The following SEMA5A variants were observed in gnomAD, a reference collection of about 807,000 sequenced individuals.
SEMA5A encodes the protein semaphorin-5A.
SEMA5A carries 55 observed loss-of-function variants against 135.5 expected under a neutral mutation model. The observed-to-expected ratio is 0.41, with a 90% CI of 0.33 to 0.51. The LOEUF is 0.51. Ranked by LOEUF, SEMA5A falls within the 20% of genes least tolerant of loss-of-function variation. SEMA5A has a pLI of 0.37. For synonymous variants in SEMA5A, 580 were observed against 546.5 expected (o/e 1.06, Z -0.85); for missense variants, 1,290 against 1,419.9 (o/e 0.91, Z 1.47).
At chr5:9,353,277 AAGGAAAGGAG>A in intron 3 of SEMA5A, among the ~76,000 whole-genome samples, 1 of 145,432 alleles carries the variant, frequency 6.9e-6, no homozygotes, top group Admixed American at 6.9e-5. Context: ...AAGGAAAGGA[AAGGAAAGGAG>A]GGAAAGGAAG....
chr5:9,454,404 A>C (rs952428872), intron 1 of SEMA5A, among the ~76,000 whole-genome samples: 12 of 152,350 alleles, frequency 7.9e-5, no homozygotes, highest in South Asian at 4.1e-4. Context: ...CAAGGCTATT[A>C]ACTTGAACCT....
At chr5:9,233,981 T>C (rs1747772757) in intron 6 of SEMA5A, among the ~76,000 whole-genome samples, 1 of 152,152 alleles carries the variant, frequency 6.6e-6, no homozygotes, top group Non-Finnish European at 1.5e-5. Context: ...ATGTCACATT[T>C]TGCATTATTC....
intron 8 of SEMA5A, among the ~76,000 whole-genome samples, chr5:9,211,729 T>C (rs576267167): frequency 3.5e-4 from 54 of 152,346 alleles, no homozygotes; most frequent in African/African-American, 1.3e-3. Context: ...TCATTAATCA[T>C]TAGAAGGTTC....
At chr5:9,327,934 T>C (rs1752950842) in intron 4 of SEMA5A, among the ~76,000 whole-genome samples, 1 of 152,218 alleles carries the variant, frequency 6.6e-6, no homozygotes, top group African/African-American at 2.4e-5. Flanking sequence ...CAACTGAATA[T>C]TTCTATGGTT....
intron 5 of SEMA5A, among the ~76,000 whole-genome samples, chr5:9,272,624 T>A (rs1461265501): frequency 6.6e-6 from 1 of 152,152 alleles, no homozygotes; most frequent in African/African-American, 2.4e-5. Flanking sequence ...CTGGCTGGCA[T>A]CTGGTGGGTG....
chr5:9,133,046 T>G (rs1016098898), intron 13 of SEMA5A, among the ~76,000 whole-genome samples: 1 of 152,208 alleles, frequency 6.6e-6, no homozygotes, highest in Admixed American at 6.5e-5. Context: ...GTGTTTTTTG[T>G]TGTTGTTGTT....
intron 1 of SEMA5A, among the ~76,000 whole-genome samples, chr5:9,536,917 C>T (rs1039450949): frequency 5.3e-5 from 8 of 152,186 alleles, no homozygotes; most frequent in African/African-American, 1.9e-4. Context: ...AGACACAAGG[C>T]ATTGGACATG....
chr5:9,223,790 T>A (rs548486595), intron 8 of SEMA5A, among the ~76,000 whole-genome samples: 3 of 152,320 alleles, frequency 2.0e-5, no homozygotes, highest in African/African-American at 7.2e-5. Context: ...CACTCACACA[T>A]GAATGCACAG....
intron 11 of SEMA5A, among the ~76,000 whole-genome samples, chr5:9,182,239 C>T (rs1744564559): frequency 6.7e-6 from 1 of 149,836 alleles, no homozygotes; most frequent in Admixed American, 6.7e-5. Flanking sequence ...AATTTTGGCA[C>T]AAAAACTCCA....
At chr5:9,051,748 A>G (rs1398315002) in intron 20 of SEMA5A, 125 bp downstream of exon 20, 87 of 1,185,694 alleles carry the variant, frequency 7.3e-5, no homozygotes, top group South Asian at 3.6e-4. Flanking sequence ...CCTTGAAACC[A>G]TGGGGCTTGA....
intron 15 of SEMA5A, among the ~76,000 whole-genome samples, chr5:9,110,992 G>A (rs187795001): frequency 1.3e-5 from 2 of 152,298 alleles, no homozygotes; most frequent in East Asian, 3.9e-4. Context: ...TTGATCTTAG[G>A]AAGTACGTGC....
In SEMA5A at chr5:9,248,146, G is replaced by A. The variant is rs560977144; in HGVS notation, c.271-10256C>T. 2.0e-5 allele frequency among the ~76,000 whole-genome samples: 3 copies of A among 152,180 alleles called. No homozygotes were observed. The South Asian group carries it at 6.2e-4, about 32-fold the overall frequency. ...ACTATTATTAAGATGTTTGATAAGA[G>A]CTCCATCTAAGAAAAAAGTCCAAAA... On this transcript the variant is annotated intron_variant, in intron 5 of 22. Coordinates refer to ENST00000382496, the MANE Select transcript of SEMA5A (RefSeq NM_003966.3).
intron 18 of SEMA5A, among the ~76,000 whole-genome samples, chr5:9,060,404 C>T (rs1009447566): frequency 1.3e-5 from 2 of 152,124 alleles, no homozygotes; most frequent in Admixed American, 6.5e-5. Context: ...CTACCCATGG[C>T]AACAAGGATA....
intron 8 of SEMA5A, among the ~76,000 whole-genome samples, chr5:9,205,424 G>A (rs1231440968): frequency 6.6e-6 from 1 of 152,122 alleles, no homozygotes; most frequent in African/African-American, 2.4e-5. Context: ...GTTTCAAGGA[G>A]GGCCAACCAT....
chr5:9,465,815 C>A (rs1264257303), intron 1 of SEMA5A, among the ~76,000 whole-genome samples: 1 of 152,156 alleles, frequency 6.6e-6, no homozygotes. Context: ...TATTTCATTA[C>A]TTTTTACTGT....
intron 11 of SEMA5A, among the ~76,000 whole-genome samples, chr5:9,181,419 G>A (rs1429764761): frequency 6.6e-6 from 1 of 152,144 alleles, no homozygotes; most frequent in Non-Finnish European, 1.5e-5. Context: ...ATGGACTTCA[G>A]GTGCTGCCCT....
Position 9,122,697 on chromosome 5 carries a change from C to A in SEMA5A, c.1740G>T (p.Trp580Cys). 6.2e-7 allele frequency: 1 copy of A among 1,611,568 alleles called. No homozygotes were observed. The highest frequency in any genetic ancestry group is 8.5e-7 in the Non-Finnish European group (1 of 1,178,538). ...TCTCCATGCCAGGGCCCTCGCACTG[C>A]CAGCCACCACACTGCGGGGCCGGGC... ...CDSPAPQCGG[W>C]QCEGPGMEIA... The change falls in exon 14 of 23, where the codon TGG becomes TGT. Residue 580 changes from tryptophan to cysteine, a missense_variant. Physicochemically the swap from Trp to Cys is radical, Grantham distance 215. Around this residue, in one of 3 missense-constraint regions of SEMA5A, gnomAD observed 1,029 missense variants for 1,086.6 expected, o/e 0.95. Transcript: ENST00000382496.
At chr5:9,167,307 C>T (rs1408681191) in intron 11 of SEMA5A, among the ~76,000 whole-genome samples, 2 of 152,150 alleles carry the variant, frequency 1.3e-5, no homozygotes, top group African/African-American at 4.8e-5. Context: ...TCCTCTCTGG[C>T]TTCAAAGAAG....
intron 15 of SEMA5A, among the ~76,000 whole-genome samples, chr5:9,109,065 G>T (rs1740093950): frequency 1.1e-5 from 1 of 90,036 alleles, no homozygotes; most frequent in Non-Finnish European, 2.0e-5. Flanking sequence ...TTTTGAGACG[G>T]AGTCTCGCTC....
Sources: allele counts gnomAD v4.1 joint callset (sites outside exome capture counted in the v4.1 genomes callset), GRCh38; gene constraint gnomAD v4.1.1; regional missense constraint gnomAD v4.1.1; transcripts MANE v1.5; gene names NCBI Gene and HGNC (gene_info 2026-07-23, HGNC 2026-07-21).